DSTN: variants seen among roughly 807,000 people sequenced by gnomAD.
DSTN encodes destrin.
A neutral mutation model predicts 16.8 loss-of-function variants in DSTN; 10 were observed. The ratio of observed to expected loss-of-function variants is 0.60; its 90% CI spans 0.37 to 1.01. The LOEUF is 1.01. Ranked by LOEUF, DSTN falls within the 50% of genes least tolerant of loss-of-function variation. The pLI, the probability that DSTN is intolerant of heterozygous loss-of-function variation, is 0.01. For missense variants in DSTN, 141 were observed against 196.7 expected, an observed-to-expected ratio of 0.72 and a Z score of 1.69; for synonymous variants, 57 against 58.9, an observed-to-expected ratio of 0.97 and a Z score of 0.14.
In DSTN at chr20:17,601,015, C is replaced by A; in HGVS notation, c.281C>A (p.Ser94Tyr). ...GATGCAAGCTTTGAAACAAAAGAATCCAGAAAAGAAGAGTTGATGTTTTTT... is the reference window on the plus strand; with the variant it reads ...GATGCAAGCTTTGAAACAAAAGAATACAGAAAAGAAGAGTTGATGTTTTTT... ...LYDASFETKE[S>Y]RKEELMFFLW... The change falls in exon 2 of 4, where the codon TCC (serine) becomes TAC (tyrosine). Residue 94 changes from serine (S) to tyrosine (Y), a missense_variant. Transcript: ENST00000246069. 6.2e-7 allele frequency: 1 copy of A among 1,601,486 alleles called. No homozygotes were observed. Among genetic ancestry groups the A allele is most frequent in the Non-Finnish European group, 8.5e-7 (1 of 1,174,002 alleles).
At chr20:17,586,312 C>T (rs1318723175) in intron 1 of DSTN, among the ~76,000 whole-genome samples, 4 of 152,108 alleles carry the variant, frequency 2.6e-5, no homozygotes, top group African/African-American at 9.7e-5. Flanking sequence ...GAACTTGCAG[C>T]GTCTCCAAGG....
At chr20:17,600,609 C>A in intron 1 of DSTN, 129 bp from the exon 2 acceptor site, 1 of 1,133,008 alleles carries the variant, frequency 8.8e-7, no homozygotes, top group Non-Finnish European at 1.2e-6. Flanking sequence ...GCTCAAATTT[C>A]TAGTTTTTTA....
intron 1 of DSTN, among the ~76,000 whole-genome samples, chr20:17,587,390 G>A (rs1210475216): frequency 6.6e-6 from 1 of 152,092 alleles, no homozygotes; most frequent in East Asian, 1.9e-4. Context: ...CATCACCTGA[G>A]TAGCTGGGAC....
rs765284520 is a variant in DSTN, at chr20:17,585,067, A to T, written c.3+14856A>T. On this transcript the variant is annotated intron_variant, in intron 1 of 3. Transcript: ENST00000246069. ...AAAGGGTCAATGGGTATGGATTATT[A>T]TAAGGCTCTATGATATAAATGGCCA... Among the ~76,000 whole-genome samples the T allele has an allele frequency of 5.5e-4, 84 of 152,370 alleles. 1 individual carries two copies. The South Asian group carries it at 5.6e-3, about 10-fold the overall frequency.
At chr20:17,594,242 CTTG>C (rs1247907032) in intron 1 of DSTN, among the ~76,000 whole-genome samples, 1 of 151,914 alleles carries the variant, frequency 6.6e-6, no homozygotes, top group Non-Finnish European at 1.5e-5. Flanking sequence ...TATGGGCAGT[CTTG>C]TTGTATTAGA....
chr20:17,594,533 A>G (rs1489400135), intron 1 of DSTN, among the ~76,000 whole-genome samples: 1 of 152,216 alleles, frequency 6.6e-6, no homozygotes, highest in Non-Finnish European at 1.5e-5. Flanking sequence ...CAGGACTGGA[A>G]GTAGTTTACA....
intron 1 of DSTN, among the ~76,000 whole-genome samples, chr20:17,585,521 C>T (rs2035395569): frequency 6.6e-6 from 1 of 152,114 alleles, no homozygotes; most frequent in Non-Finnish European, 1.5e-5. Context: ...GAGTAGAATA[C>T]TGAAAGTATT....
intron 1 of DSTN, among the ~76,000 whole-genome samples, chr20:17,571,390 C>T (rs745691174): frequency 6.6e-6 from 1 of 152,154 alleles, no homozygotes; most frequent in African/African-American, 2.4e-5. Context: ...AACATGCAGG[C>T]GGCCCCTTAG....
intron 1 of DSTN, among the ~76,000 whole-genome samples, chr20:17,598,964 C>A (rs1320624051): frequency 6.6e-6 from 1 of 152,158 alleles, no homozygotes; most frequent in Non-Finnish European, 1.5e-5. Context: ...AATTCCACTC[C>A]TAGTTTTCTA....
At chr20:17,603,964 T>C (rs922851406) in intron 2 of DSTN, among the ~76,000 whole-genome samples, 1 of 152,254 alleles carries the variant, frequency 6.6e-6, no homozygotes, top group Admixed American at 6.5e-5. Context: ...TGGGGAAGTC[T>C]AAGAAAAGGA....
chr20:17,572,913 T>A (rs2035223506), intron 1 of DSTN, among the ~76,000 whole-genome samples: 1 of 152,216 alleles, frequency 6.6e-6, no homozygotes. Flanking sequence ...ATGCATCATC[T>A]TCCTCATCCC....
rs2035662083 is a variant in DSTN, at chr20:17,608,173, G to A, written c.*1027G>A. ...GGCGTAACACTTTGAACGATATAGA[G>A]ATGCACAAACAGTTGAACTTAGAAG... On this transcript the variant is annotated 3_prime_UTR_variant, in exon 4 of 4. Coordinates refer to ENST00000246069, the MANE Select transcript of DSTN (RefSeq NM_006870.4). 1 of 152,160 alleles carries A rather than the reference G, an allele frequency of 6.6e-6. No homozygotes were observed. The allele number at this position is 152,160 out of a possible 1,614,324, so 9.4% of individuals were successfully genotyped here.
At chr20:17,575,178 A>C (rs2035264684) in intron 1 of DSTN, among the ~76,000 whole-genome samples, 1 of 152,022 alleles carries the variant, frequency 6.6e-6, no homozygotes, top group Admixed American at 6.6e-5. Context: ...GTTTAAATCA[A>C]AATTGTGTTT....
intron 1 of DSTN, among the ~76,000 whole-genome samples, chr20:17,591,475 A>G (rs1178046759): frequency 1.3e-5 from 2 of 152,210 alleles, no homozygotes; most frequent in African/African-American, 4.8e-5. Flanking sequence ...TAATATTGGT[A>G]AAATAAAGTA....
At chr20:17,572,063 C>T (rs1319866851) in intron 1 of DSTN, among the ~76,000 whole-genome samples, 1 of 152,134 alleles carries the variant, frequency 6.6e-6, no homozygotes, top group African/African-American at 2.4e-5. Flanking sequence ...GGGTATTATC[C>T]CAGAGTCTAG....
chr20:17,577,419 T>G (rs557693878), intron 1 of DSTN, among the ~76,000 whole-genome samples: 32 of 152,144 alleles, frequency 2.1e-4, no homozygotes, highest in Non-Finnish European at 3.8e-4. Flanking sequence ...AATACAAAAT[T>G]AGCCAGGCAT....
At chr20:17,582,608 T>C (rs1024257687) in intron 1 of DSTN, among the ~76,000 whole-genome samples, 3 of 152,072 alleles carry the variant, frequency 2.0e-5, no homozygotes, top group African/African-American at 7.2e-5. Flanking sequence ...GGGGGGAGAA[T>C]AGTGTTTTCA....
At chr20:17,581,370 G>T (rs1204002221) in intron 1 of DSTN, among the ~76,000 whole-genome samples, 2 of 152,102 alleles carry the variant, frequency 1.3e-5, no homozygotes, top group Non-Finnish European at 2.9e-5. Context: ...TGTAGTCCTA[G>T]CTACTTAGGA....
chr20:17,585,554 T>C (rs1476213668), intron 1 of DSTN, among the ~76,000 whole-genome samples: 4 of 152,328 alleles, frequency 2.6e-5, no homozygotes, highest in East Asian at 3.8e-4. Context: ...ATAAAAATTA[T>C]ATATCTAATT....
Sources: gnomAD v4.1 joint callset for allele counts (sites outside exome capture counted in the v4.1 genomes callset) on GRCh38, gnomAD v4.1.1 for gene constraint, MANE v1.5 for transcripts, NCBI Gene and HGNC (gene_info 2026-07-23, HGNC 2026-07-21) for gene names.